GPATCH2L: variants seen among roughly 807,000 people sequenced by gnomAD.
GPATCH2L encodes G-patch domain containing 2 like.
Under a neutral mutation model 57.4 loss-of-function variants are expected in GPATCH2L, and 31 were observed. That is an observed-to-expected ratio of 0.54 (90% CI 0.41 to 0.73). The LOEUF (loss-of-function observed/expected upper bound fraction) is 0.73. Ranked by LOEUF, GPATCH2L falls within the 30% of genes least tolerant of loss-of-function variation. The probability of loss-of-function intolerance (pLI) is 0.00; values close to 1 mark genes in which losing one functional copy is unlikely to be tolerated. For synonymous variants in GPATCH2L, 199 were observed against 210.7 expected (o/e 0.94, Z 0.48); for missense variants, 481 against 599.9 (o/e 0.80, Z 2.07).
intron 2 of GPATCH2L, among the ~76,000 whole-genome samples, chr14:76,162,307 G>A (rs567220479): frequency 1.6e-4 from 25 of 152,266 alleles, no homozygotes; most frequent in African/African-American, 5.8e-4. Context: ...CTCTCCGCAT[G>A]CCCATCCGCA....
At chr14:76,227,983 G>A (rs961504059) in intron 1 of GPATCH2L, among the ~76,000 whole-genome samples, 4 of 152,144 alleles carry the variant, frequency 2.6e-5, no homozygotes, top group Non-Finnish European at 4.4e-5. Context: ...TTCTCCCAGC[G>A]CAACTCCTAT....
At chr14:76,214,698 A>G (rs1007137826), downstream of GPATCH2L, among the ~76,000 whole-genome samples, 4 of 152,196 alleles carry the variant, frequency 2.6e-5, no homozygotes, top group African/African-American at 7.2e-5. Flanking sequence ...CCTGTCTTCA[A>G]TGCCAACACT....
chr14:76,168,647 A>G (rs975535781), intron 3 of GPATCH2L, among the ~76,000 whole-genome samples: 1 of 152,192 alleles, frequency 6.6e-6, no homozygotes, highest in Admixed American at 6.5e-5. Flanking sequence ...CCACAAGTAC[A>G]TATTTAAAGC....
At chr14:76,188,141 C>T (rs1446441542) in intron 8 of GPATCH2L, among the ~76,000 whole-genome samples, 2 of 152,054 alleles carry the variant, frequency 1.3e-5, no homozygotes, top group South Asian at 2.1e-4. Flanking sequence ...AGGTTGCTTC[C>T]GAATTTTGGC....
At chr14:76,171,729 G>GAAAAA in intron 3 of GPATCH2L, 114 bp from the exon 4 acceptor site, 1 of 565,042 alleles carries the variant, frequency 1.8e-6, no homozygotes, top group Non-Finnish European at 2.9e-6. Context: ...TCTCAAAAAG[G>GAAAAA]AAAAAAAAAA....
At chr14:76,215,915 A>G (rs890282054), downstream of GPATCH2L, among the ~76,000 whole-genome samples, 1 of 151,728 alleles carries the variant, frequency 6.6e-6, no homozygotes, top group Non-Finnish European at 1.5e-5. Flanking sequence ...AGTATAATTA[A>G]AAAAATAAAA....
intron 2 of GPATCH2L, among the ~76,000 whole-genome samples, chr14:76,161,006 A>G (rs2038556755): frequency 6.6e-6 from 1 of 152,226 alleles, no homozygotes; most frequent in African/African-American, 2.4e-5. Context: ...TGAAACTGAA[A>G]AAGAAATTCT....
At chr14:76,188,372 C>T (rs1030858175) in intron 8 of GPATCH2L, among the ~76,000 whole-genome samples, 1 of 152,088 alleles carries the variant, frequency 6.6e-6, no homozygotes, top group African/African-American at 2.4e-5. Flanking sequence ...CACATCCTCA[C>T]CAGCATTATT....
intron 2 of GPATCH2L, among the ~76,000 whole-genome samples, chr14:76,158,334 T>C (rs1204199032): frequency 1.3e-5 from 2 of 152,208 alleles, no homozygotes; most frequent in African/African-American, 4.8e-5. Flanking sequence ...TGCCTCTTGT[T>C]TTCTTATTTT....
chr14:76,170,579 T>G (rs1479018795), intron 3 of GPATCH2L: 3 of 152,184 alleles, frequency 2.0e-5, no homozygotes, highest in African/African-American at 7.2e-5. Context: ...GTTGCTGTGG[T>G]TATTTTTTTT....
chr14:76,154,662 T>A lies in GPATCH2L; in HGVS notation c.299T>A (p.Leu100His). Residue 100 changes from leucine (L) to histidine (H), a missense_variant, in exon 2 of 10, where the codon CTC (leucine) becomes CAC (histidine). By Grantham distance (99) the Leu-to-His change is moderately conservative. Around this residue, in one of 3 missense-constraint regions of GPATCH2L, gnomAD observed 208 missense variants for 272.4 expected, o/e 0.76. Transcript: ENST00000261530. The surrounding 1 kb of genome is among the most constrained non-coding windows in gnomAD (Gnocchi z 4.4). ...DTMVAKRHPA[L>H]NAIVKSKQHS... ...ATGGTAGCCAAACGACACCCAGCTC[T>A]CAATGCCATTGTCAAGAGTAAGCAA... 1 of 1,614,220 alleles carries A rather than the reference T, an allele frequency of 6.2e-7. No homozygotes were observed. The highest frequency in any genetic ancestry group is 8.5e-7 in the Non-Finnish European group (1 of 1,180,038).
intron 2 of GPATCH2L, among the ~76,000 whole-genome samples, chr14:76,233,345 A>T (rs967256285): frequency 7.2e-5 from 11 of 152,206 alleles, no homozygotes; most frequent in African/African-American, 2.2e-4. Context: ...TGTCATTTTT[A>T]AAAAATTCTG....
intron 9 of GPATCH2L, among the ~76,000 whole-genome samples, chr14:76,197,013 T>G (rs1315310080): frequency 6.6e-6 from 1 of 152,170 alleles, no homozygotes; most frequent in African/African-American, 2.4e-5. Flanking sequence ...CTGAACACTT[T>G]GTAAACATTA....
Position 76,160,356 on chromosome 14 carries a change from A to C in GPATCH2L, c.662+5331A>C, listed in dbSNP as rs1055763030. 2.0e-5 allele frequency among the ~76,000 whole-genome samples: 3 copies of C among 152,176 alleles called. No individual in the cohort carries two copies. The East Asian group carries it at 5.8e-4, about 29-fold the overall frequency. ...AACGTGGGCCTCCATTTCATTGTCA[A>C]GTGTGGTTCTATCAGCCTTGTAGTT... is the stretch of plus-strand genomic sequence containing the variant. On this transcript the variant is annotated intron_variant, in intron 2 of 9. Transcript: ENST00000261530.
In GPATCH2L at chr14:76,207,640, T is replaced by A. The variant is rs985699255; in HGVS notation, c.*5789T>A. 1 of 152,188 alleles carries A rather than the reference T, an allele frequency of 6.6e-6. No individual in the cohort carries two copies. Among genetic ancestry groups the A allele is most frequent in the Non-Finnish European group, 1.5e-5 (1 of 68,036 alleles). 9.4% of individuals were successfully genotyped at this position (152,188 alleles called of 1,614,324 possible). A position where few individuals can be genotyped will look rare whatever the true frequency, so the allele number is the denominator to read the frequency against. On this transcript the variant is annotated 3_prime_UTR_variant, in exon 10 of 10. Transcript: ENST00000261530. ...GACTGAATCTCAGTACTTCAGAGCA[T>A]GTAAAAATCAATTTTCTGTGATCCC...
At chr14:76,219,447 T>C (rs952964424) in intron 1 of GPATCH2L, among the ~76,000 whole-genome samples, 4 of 152,326 alleles carry the variant, frequency 2.6e-5, no homozygotes, top group East Asian at 1.9e-4. Flanking sequence ...CTCTCATACA[T>C]TGTATAAACT....
At chr14:76,232,399 A>G (rs925262513) in intron 2 of GPATCH2L, among the ~76,000 whole-genome samples, 5 of 152,234 alleles carry the variant, frequency 3.3e-5, no homozygotes, top group African/African-American at 1.2e-4. Flanking sequence ...TCCTGGGTTC[A>G]AGCGATTCTC....
intron 9 of GPATCH2L, chr14:76,196,319 A>G (rs2040148550): frequency 6.8e-6 from 4 of 590,144 alleles, no homozygotes; most frequent in South Asian, 6.2e-5. Context: ...AGGGTTATTT[A>G]CTTTCTTATT....
At position 76,176,655 on chromosome 14, in the gene GPATCH2L, G is replaced by C; in HGVS notation, c.1017G>C (p.Arg339Ser). The change falls in exon 6 of 10, where the codon AGG (arginine) becomes AGC (serine). Residue 339 changes from arginine to serine, a missense_variant. Physicochemically the swap from Arg to Ser is moderately radical, Grantham distance 110. Around this residue, in one of 3 missense-constraint regions of GPATCH2L, gnomAD observed 248 missense variants for 270.5 expected, o/e 0.92. Transcript: ENST00000261530. ...GCATAAACACTTTGGGGACTGAGAGGATAAGCCATATCATTAGTGACCCTC... is the reference window on the plus strand; with the variant it reads ...GCATAAACACTTTGGGGACTGAGAGCATAAGCCATATCATTAGTGACCCTC... The part of the protein sequence containing the change: ...ETSINTLGTE[R>S]ISHIISDPRQ... 1 of 1,611,736 alleles carries C rather than the reference G, an allele frequency of 6.2e-7. No homozygotes were observed. The highest frequency in any genetic ancestry group is 8.5e-7 in the Non-Finnish European group (1 of 1,177,804).
Sources: gnomAD v4.1 joint callset for allele counts (sites outside exome capture counted in the v4.1 genomes callset) on GRCh38, gnomAD v4.1.1 for gene constraint, gnomAD v4.1.1 regional missense constraint, Gnocchi (gnomAD v3.1) non-coding constraint, MANE v1.5 for transcripts, NCBI Gene and HGNC (gene_info 2026-07-23, HGNC 2026-07-21) for gene names.